The following AFAP1L2 variants were observed in gnomAD, a reference collection of about 807,000 sequenced individuals.
AFAP1L2 encodes the protein actin filament-associated protein 1-like 2.
A neutral mutation model predicts 99.3 loss-of-function variants in AFAP1L2; 46 were observed. That is an observed-to-expected ratio of 0.46 (90% CI 0.37 to 0.59). The LOEUF (loss-of-function observed/expected upper bound fraction) is 0.59, where lower values mean the gene tolerates loss of function less well. Among genes scored for constraint, AFAP1L2 ranks in the 20% least tolerant of loss-of-function variants. The pLI is 0.00. For missense variants in AFAP1L2, 959 were observed against 1,034.9 expected, an observed-to-expected ratio of 0.93 and a Z score of 1.01; for synonymous variants, 397 against 419.1, an observed-to-expected ratio of 0.95 and a Z score of 0.64.
intron 12 of AFAP1L2, chr10:114,302,085 G>A (rs750464652): frequency 2.1e-5 from 10 of 486,198 alleles, no homozygotes; most frequent in Non-Finnish European, 3.4e-5. Context: ...AGGAGCTGGA[G>A]AGTCTAACTG....
At chr10:114,398,457 C>T (rs1410614131) in intron 1 of AFAP1L2, among the ~76,000 whole-genome samples, 1 of 152,222 alleles carries the variant, frequency 6.6e-6, no homozygotes, top group African/African-American at 2.4e-5. Flanking sequence ...TGTGAAAAGG[C>T]AGGAACTGGT....
At chr10:114,404,655 C>G (rs1378835146), upstream of AFAP1L2, 7 of 679,972 alleles carry the variant, frequency 1.0e-5, no homozygotes, top group African/African-American at 3.8e-5. Flanking sequence ...CCCAGCGCCC[C>G]TGTCCCAGCG....
chr10:114,336,249 C>T (rs1001990024), intron 2 of AFAP1L2, among the ~76,000 whole-genome samples: 2 of 152,236 alleles, frequency 1.3e-5, no homozygotes, highest in African/African-American at 4.8e-5. Flanking sequence ...GGGAAAAATA[C>T]AGTAAACCTG....
Position 114,387,455 on chromosome 10 carries a change from G to A in AFAP1L2, c.16+16985C>T, listed in dbSNP as rs138358747. ...GGCAGCATTACTAAAAGCAAAGGCT[G>A]TAGGCATCAGAAATAAACATGGCAG... On this transcript the variant is annotated intron_variant, in intron 1 of 18. Transcript: ENST00000304129. Among the ~76,000 whole-genome samples, 319 of 152,308 alleles carry A rather than the reference G, an allele frequency of 2.1e-3. 3 individuals carry two copies. Among genetic ancestry groups the A allele is most frequent in the Middle Eastern group, 3.4e-3 (1 of 294 alleles).
chr10:114,378,721 C>A (rs1276588739), intron 1 of AFAP1L2, among the ~76,000 whole-genome samples: 1 of 152,120 alleles, frequency 6.6e-6, no homozygotes, highest in Non-Finnish European at 1.5e-5. Context: ...AAGCAATGGC[C>A]CCCCATCTTC....
At chr10:114,300,854 C>T (rs553584459) in intron 13 of AFAP1L2, among the ~76,000 whole-genome samples, 164 bp from the exon 14 acceptor site, 11 of 152,234 alleles carry the variant, frequency 7.2e-5, no homozygotes, top group Admixed American at 3.9e-4. Context: ...ATATGTCACT[C>T]GAGGTGGAAG....
At chr10:114,378,644 T>C (rs892306082) in intron 1 of AFAP1L2, among the ~76,000 whole-genome samples, 1 of 152,234 alleles carries the variant, frequency 6.6e-6, no homozygotes, top group Non-Finnish European at 1.5e-5. Context: ...AAATCTAAGA[T>C]AGTGACTGAA....
At chr10:114,395,565 G>C (rs2057615037) in intron 1 of AFAP1L2, among the ~76,000 whole-genome samples, 1 of 152,082 alleles carries the variant, frequency 6.6e-6, no homozygotes, top group African/African-American at 2.4e-5. Context: ...CCCCATCTGG[G>C]GACTTGAATA....
chr10:114,344,852 T>C (rs929836647), intron 1 of AFAP1L2, among the ~76,000 whole-genome samples: 1 of 152,108 alleles, frequency 6.6e-6, no homozygotes, highest in Non-Finnish European at 1.5e-5. Context: ...ATCCCAGCAC[T>C]TTGGGAGGCC....
chr10:114,307,702 C>A, intron 10 of AFAP1L2, 103 bp downstream of exon 10: 1 of 913,086 alleles, frequency 1.1e-6, no homozygotes, highest in South Asian at 1.4e-5. Context: ...GAGATGTTTA[C>A]GGAAGACCTA....
chr10:114,292,887 G>A (rs1008405155), downstream of AFAP1L2, among the ~76,000 whole-genome samples: 3 of 151,966 alleles, frequency 2.0e-5, no homozygotes, highest in African/African-American at 7.2e-5. Flanking sequence ...TGTATTTTTA[G>A]TTAGAGACAG....
At chr10:114,353,154 C>T (rs1365080192) in intron 1 of AFAP1L2, among the ~76,000 whole-genome samples, 1 of 152,198 alleles carries the variant, frequency 6.6e-6, no homozygotes, top group East Asian at 1.9e-4. Context: ...CCATGGGACT[C>T]TTCCTGGAAC....
rs1213978423 is a variant in AFAP1L2, at chr10:114,295,640, T to TCTCA, written c.*398_*401dup. 3 of 1,004,098 alleles carry TCTCA rather than the reference T, an allele frequency of 3.0e-6. No individual in the cohort carries two copies. The highest frequency in any genetic ancestry group is 3.6e-6 in the Non-Finnish European group (3 of 842,016). The allele number at this position is 1,004,098 out of a possible 1,614,324, so 62.2% of individuals were successfully genotyped here. On this transcript the variant is annotated 3_prime_UTR_variant, in exon 19 of 19. Transcript: ENST00000304129. ...AGATGATGGCCAGGAGTTTAGGTCTTCTCACTCACCAAAGACACGTGACCC... is the reference window on the plus strand; with the variant it reads ...AGATGATGGCCAGGAGTTTAGGTCTTCTCACTCACTCACCAAAGACACGTGACCC...
chr10:114,394,033 C>T lies in AFAP1L2; in HGVS notation c.16+10407G>A, dbSNP rs570619776. 3.8e-4 allele frequency among the ~76,000 whole-genome samples: 58 copies of T among 152,234 alleles called. No individual in the cohort carries two copies. In the South Asian group the frequency reaches 0.012, roughly 31 times the overall value. ...CACAGTGCAGGAATTTTGATTCTAC[C>T]CCTTGGTGGTCAGCGAGTCACAGCA... On this transcript the variant is annotated intron_variant, in intron 1 of 18. Coordinates refer to ENST00000304129, the MANE Select transcript of AFAP1L2 (RefSeq NM_001001936.3).
intron 1 of AFAP1L2, among the ~76,000 whole-genome samples, chr10:114,358,310 A>G (rs2051692430): frequency 6.6e-6 from 1 of 152,240 alleles, no homozygotes; most frequent in South Asian, 2.1e-4. Flanking sequence ...ATAAGTCTAC[A>G]ACCCAAACAA....
chr10:114,351,684 C>T (rs897135391), intron 1 of AFAP1L2, among the ~76,000 whole-genome samples: 1 of 152,214 alleles, frequency 6.6e-6, no homozygotes, highest in Non-Finnish European at 1.5e-5. Context: ...TGGGCCACCC[C>T]CCTGCCCCAA....
At chr10:114,311,075 T>A (rs1209225886) in intron 7 of AFAP1L2, among the ~76,000 whole-genome samples, 1 of 151,056 alleles carries the variant, frequency 6.6e-6, no homozygotes, top group Non-Finnish European at 1.5e-5. Context: ...AAAGCGTTCT[T>A]GTCTTTGAAA....
the AFAP1L2 span, chr10:114,289,148 T>A: frequency 1.9e-6 from 3 of 1,613,806 alleles, no homozygotes; most frequent in South Asian, 2.2e-5. Flanking sequence ...CGGGCTGCGA[T>A]GCTGCGGGCC....
At chr10:114,401,368 C>T (rs1214472554) in intron 1 of AFAP1L2, among the ~76,000 whole-genome samples, 1 of 152,200 alleles carries the variant, frequency 6.6e-6, no homozygotes, top group African/African-American at 2.4e-5. Context: ...CGTGACCACA[C>T]TGGGTGAGTT....
Sources: allele counts gnomAD v4.1 joint callset (sites outside exome capture counted in the v4.1 genomes callset), GRCh38; gene constraint gnomAD v4.1.1; transcripts MANE v1.5; gene names NCBI Gene and HGNC (gene_info 2026-07-23, HGNC 2026-07-21).